The following MLIP variants were observed in gnomAD, a reference collection of about 807,000 sequenced individuals.
MLIP encodes the protein muscular LMNA interacting protein.
Under a neutral mutation model 84.8 loss-of-function variants are expected in MLIP, and 79 were observed. The observed-to-expected ratio is 0.93, with a 90% CI of 0.78 to 1.12. The LOEUF (loss-of-function observed/expected upper bound fraction) is 1.12, where lower values mean the gene tolerates loss of function less well. MLIP is among the 50% of genes most tolerant of loss of function. MLIP has a pLI of 0.00. For synonymous variants in MLIP, 504 were observed against 463.0 expected, an observed-to-expected ratio of 1.09 and a Z score of -1.14; for missense variants, 1,257 against 1,160.6, an observed-to-expected ratio of 1.08 and a Z score of -1.21.
chr6:54,234,529 C>G (rs1354555667), intron 12 of MLIP, among the ~76,000 whole-genome samples: 1 of 152,080 alleles, frequency 6.6e-6, no homozygotes, highest in Non-Finnish European at 1.5e-5. Context: ...TGATCCTTTT[C>G]CTTGATGATG....
chr6:54,079,780 A>G (rs1201991267), intron 1 of MLIP: 2 of 152,156 alleles, frequency 1.3e-5, no homozygotes, highest in African/African-American at 4.8e-5. Context: ...GCTTGGTTTC[A>G]CCTCTTGCTC....
At chr6:54,177,169 G>A (rs1435152826) in intron 9 of MLIP, among the ~76,000 whole-genome samples, 1 of 152,052 alleles carries the variant, frequency 6.6e-6, no homozygotes, top group African/African-American at 2.4e-5. Context: ...AACATCAGAA[G>A]TAATTTCATC....
At chr6:54,118,130 T>A (rs1040099769) in intron 1 of MLIP, among the ~76,000 whole-genome samples, 7 of 152,170 alleles carry the variant, frequency 4.6e-5, no homozygotes, top group African/African-American at 1.7e-4. Flanking sequence ...GCAACTCCTA[T>A]CAAAATACCA....
rs112673702 is a variant in MLIP at position 54,103,487 on chromosome 6, A to C, written c.64-17960A>C. 8.3e-4 allele frequency among the ~76,000 whole-genome samples: 126 copies of C among 152,318 alleles called. 1 individual carries two copies. Among genetic ancestry groups the C allele is most frequent in the Middle Eastern group, 3.4e-3 (1 of 294 alleles). ...GGATTATTAATTTGCCTTGGGTTAC[A>C]CAGCTAGTAAGTGCAGAGGGTGATG... On this transcript the variant is annotated intron_variant, in intron 1 of 12. Coordinates refer to the MLIP transcript ENST00000274897.
rs376833031 is a variant in MLIP, at chr6:54,138,366, A to G, written c.2217+80A>G. 85 of 1,433,038 alleles carry G rather than the reference A, an allele frequency of 5.9e-5. 1 individual carries two copies. In the East Asian group the frequency reaches 1.9e-3, roughly 33 times the overall value. The allele number at this position is 1,433,038 out of a possible 1,614,324, so 88.8% of individuals were successfully genotyped here. A position where few individuals can be genotyped will look rare whatever the true frequency, so the allele number is the denominator to read the frequency against. On this transcript the variant is annotated intron_variant, in intron 4 of 13. Transcript: ENST00000502396. ...TTTTTTTTCCCCAAGGCAGAAATCAATAATTATAGTATTAATTGTACTCCT... is the reference window on the plus strand; with the variant it reads ...TTTTTTTTCCCCAAGGCAGAAATCAGTAATTATAGTATTAATTGTACTCCT...
chr6:54,128,976 G>A (rs1476190389), intron 3 of MLIP, among the ~76,000 whole-genome samples: 1 of 151,852 alleles, frequency 6.6e-6, no homozygotes, highest in Admixed American at 6.6e-5. Flanking sequence ...GAGAAGGAGA[G>A]TTTCACACCT....
chr6:54,261,805 G>A (rs1364264368), intron 13 of MLIP: 5 of 868,076 alleles, frequency 5.8e-6, no homozygotes, highest in Non-Finnish European at 6.9e-6. Context: ...AAGAGAAAAA[G>A]GCCCACTCTA....
intron 8 of MLIP, among the ~76,000 whole-genome samples, chr6:54,166,153 G>A (rs140692630): frequency 2.6e-3 from 402 of 152,026 alleles, no homozygotes; most frequent in Non-Finnish European, 4.0e-3. Context: ...ATTGTAACAG[G>A]ATGGAAAATA....
At chr6:54,168,280 A>G (rs529823330) in intron 8 of MLIP, among the ~76,000 whole-genome samples, 2 of 151,782 alleles carry the variant, frequency 1.3e-5, no homozygotes, top group South Asian at 4.2e-4. Flanking sequence ...GTCTCCTTCA[A>G]ATGTCACCTT....
At chr6:54,177,098 C>T (rs138384055) in intron 9 of MLIP, among the ~76,000 whole-genome samples, 2,823 of 152,072 alleles carry the variant, frequency 0.019, 96 homozygotes, top group African/African-American at 0.064. Flanking sequence ...CTATAAAAAC[C>T]CTAGAAGAAA....
At position 54,160,750 on chromosome 6, in the gene MLIP, AT is replaced by A; in HGVS notation, c.2452del (p.Ser818LeufsTer46). ...TTCTTTTTTTTTCAGCATTCTTCTG[AT>A]TCTCCTTCAAGGTCCCCAAAGACAT... ...LQDSLSMHSS[D>X]SPSRSPKTLL... On this transcript the variant is annotated frameshift_variant, in exon 8 of 14. Transcript: ENST00000502396. LOFTEE classifies it high-confidence loss of function. The A allele has an allele frequency of 1.3e-6, 2 of 1,588,412 alleles. No homozygotes were observed. The highest frequency in any genetic ancestry group is 1.7e-6 in the Non-Finnish European group (2 of 1,161,460).
At chr6:54,188,230 A>G (rs943510540) in intron 9 of MLIP, among the ~76,000 whole-genome samples, 5 of 152,200 alleles carry the variant, frequency 3.3e-5, no homozygotes, top group African/African-American at 2.4e-5. Flanking sequence ...TTATTACTGT[A>G]CACTACTGTA....
intron 10 of MLIP, among the ~76,000 whole-genome samples, chr6:54,195,404 A>T (rs1778223396): frequency 6.6e-6 from 1 of 152,080 alleles, no homozygotes; most frequent in African/African-American, 2.4e-5. Flanking sequence ...CAATTAAAAA[A>T]CATCAGTCCA....
chr6:54,165,436 A>C (rs1293840513), intron 8 of MLIP, among the ~76,000 whole-genome samples: 1 of 151,944 alleles, frequency 6.6e-6, no homozygotes, highest in Non-Finnish European at 1.5e-5. Flanking sequence ...CTGAAGGACC[A>C]CTTTGATATT....
intron 3 of MLIP, 110 bp downstream of exon 3, chr6:54,124,975 G>A (rs896516852): frequency 2.3e-6 from 2 of 877,924 alleles, no homozygotes; most frequent in Non-Finnish European, 1.6e-6. Flanking sequence ...AACTTTCAAA[G>A]AAAAATATAT....
chr6:54,031,393 C>T (rs1764126750), intron 1 of MLIP: 1 of 152,212 alleles, frequency 6.6e-6, no homozygotes, highest in South Asian at 2.1e-4. Flanking sequence ...ACCTTGGCTA[C>T]CAGCAGACTG....
At chr6:54,252,535 AATG>A (rs1782709375) in intron 12 of MLIP, among the ~76,000 whole-genome samples, 2 of 144,978 alleles carry the variant, frequency 1.4e-5, no homozygotes, top group Admixed American at 7.2e-5. Context: ...TAATATAGAT[AATG>A]ATAATAAATA....
chr6:54,190,162 T>C (rs1490077461), intron 10 of MLIP, among the ~76,000 whole-genome samples: 2 of 152,078 alleles, frequency 1.3e-5, no homozygotes, highest in Admixed American at 1.3e-4. Context: ...TTAGAAGAGA[T>C]TGTGAGGTCA....
chr6:54,039,152 G>A (rs898709514), intron 1 of MLIP, among the ~76,000 whole-genome samples: 2 of 151,866 alleles, frequency 1.3e-5, no homozygotes, highest in African/African-American at 2.4e-5. Context: ...AAGATCTTTG[G>A]AAATTGGAAT....
Sources: gnomAD v4.1 joint callset for allele counts (sites outside exome capture counted in the v4.1 genomes callset) on GRCh38, gnomAD v4.1.1 for gene constraint, MANE v1.5 for transcripts, NCBI Gene and HGNC (gene_info 2026-07-23, HGNC 2026-07-21) for gene names.